Variants in MEGF11 observed in about 807,000 individuals in gnomAD.
MEGF11 encodes the protein multiple EGF like domains 11.
Under a neutral mutation model 146.6 loss-of-function variants are expected in MEGF11, and 126 were observed. The observed-to-expected ratio is 0.86, with a 90% CI of 0.74 to 1.00. The LOEUF is 1.00. Ranked by LOEUF, MEGF11 falls within the 50% of genes least tolerant of loss-of-function variation. The pLI is 0.00. For synonymous variants in MEGF11, 532 were observed against 583.4 expected (o/e 0.91, Z 1.27); for missense variants, 1,509 against 1,521.2 (o/e 0.99, Z 0.13).
chr15:66,242,702 A>T (rs2092234029), intron 1 of MEGF11, among the ~76,000 whole-genome samples: 1 of 152,076 alleles, frequency 6.6e-6, no homozygotes, highest in Non-Finnish European at 1.5e-5. Flanking sequence ...CTCCCCATAC[A>T]AGTGGGACAC....
At chr15:65,899,838 C>T (rs189989421) in intron 24 of MEGF11, among the ~76,000 whole-genome samples, 10 of 152,282 alleles carry the variant, frequency 6.6e-5, no homozygotes, top group Non-Finnish European at 1.5e-4. Context: ...TTCCTGCCAC[C>T]TCTCAGTTGT....
intron 1 of MEGF11, among the ~76,000 whole-genome samples, chr15:66,192,928 G>A (rs1165265604): frequency 6.6e-6 from 1 of 152,202 alleles, no homozygotes; most frequent in South Asian, 2.1e-4. Context: ...CAGTGGCAGT[G>A]GTGTGATGGA....
intron 1 of MEGF11, among the ~76,000 whole-genome samples, chr15:66,181,727 C>G (rs532471470): frequency 2.0e-5 from 3 of 152,298 alleles, no homozygotes; most frequent in African/African-American, 7.2e-5. Flanking sequence ...CAGGCATAGA[C>G]TAATTTTTCT....
intron 4 of MEGF11, among the ~76,000 whole-genome samples, chr15:66,116,776 G>A (rs2087750573): frequency 1.3e-5 from 2 of 152,286 alleles, no homozygotes; most frequent in South Asian, 4.1e-4. Context: ...CCAATGCCAT[G>A]GAGGAGGGAA....
chr15:66,245,261 T>A (rs1478389975), intron 1 of MEGF11, among the ~76,000 whole-genome samples: 1 of 152,144 alleles, frequency 6.6e-6, no homozygotes, highest in Non-Finnish European at 1.5e-5. Context: ...GACTTTCAAC[T>A]GTCTATTTGA....
intron 5 of MEGF11, among the ~76,000 whole-genome samples, chr15:65,984,810 G>T (rs961537357): frequency 6.6e-6 from 1 of 151,882 alleles, no homozygotes. Flanking sequence ...GCTCTATTAG[G>T]CAGGATGGAG....
intron 5 of MEGF11, among the ~76,000 whole-genome samples, chr15:65,996,193 TGAC>T (rs1292369827): frequency 6.6e-6 from 1 of 152,168 alleles, no homozygotes; most frequent in African/African-American, 2.4e-5. Context: ...GGATGCTCCT[TGAC>T]ATGCCTTCCA....
intron 5 of MEGF11, among the ~76,000 whole-genome samples, chr15:66,003,261 T>C (rs2082419557): frequency 6.6e-6 from 1 of 152,142 alleles, no homozygotes; most frequent in African/African-American, 2.4e-5. Context: ...CCCAAAGTGC[T>C]GGGATTACAG....
intron 24 of MEGF11, 104 bp from the exon 25 acceptor site, chr15:65,899,038 G>C (rs1468736757): frequency 4.4e-6 from 5 of 1,124,996 alleles, no homozygotes; most frequent in Non-Finnish European, 5.1e-6. Flanking sequence ...GGATCTTAGA[G>C]CTGGAAAAGC....
intron 23 of MEGF11, 59 bp downstream of exon 23, chr15:65,908,975 A>G: frequency 9.3e-7 from 1 of 1,074,776 alleles, no homozygotes; most frequent in Non-Finnish European, 1.4e-6. Flanking sequence ...GATGGGGATT[A>G]GGGCAGGTGC....
At chr15:66,020,379 G>A (rs990547754) in intron 5 of MEGF11, among the ~76,000 whole-genome samples, 1 of 152,188 alleles carries the variant, frequency 6.6e-6, no homozygotes, top group Admixed American at 6.5e-5. Flanking sequence ...GGAAAACCGA[G>A]GCAAGGTGCA....
chr15:66,095,151 A>C (rs1043479705), intron 4 of MEGF11, among the ~76,000 whole-genome samples: 10 of 152,390 alleles, frequency 6.6e-5, no homozygotes, highest in Admixed American at 6.5e-4. Context: ...TGAATGCTGC[A>C]GCCTCCTGAG....
chr15:66,072,565 A>C (rs558763218), intron 5 of MEGF11, among the ~76,000 whole-genome samples: 1 of 152,332 alleles, frequency 6.6e-6, no homozygotes, highest in Admixed American at 6.5e-5. Context: ...GGTACGCAGT[A>C]GGCCTCTGAT....
At chr15:66,065,398 G>C (rs1567224789) in intron 5 of MEGF11, among the ~76,000 whole-genome samples, 1 of 152,154 alleles carries the variant, frequency 6.6e-6, no homozygotes, top group Non-Finnish European at 1.5e-5. Context: ...CTGTGGCCAA[G>C]TTAGATGGGA....
At chr15:65,978,456 C>T (rs550793568) in intron 7 of MEGF11, among the ~76,000 whole-genome samples, 16 of 152,324 alleles carry the variant, frequency 1.1e-4, no homozygotes, top group East Asian at 3.9e-4. Context: ...AGGCTTCTAT[C>T]GACAGTTTCC....
chr15:66,207,681 C>CT (rs1486797159), intron 1 of MEGF11, among the ~76,000 whole-genome samples: 1 of 152,154 alleles, frequency 6.6e-6, no homozygotes, highest in Non-Finnish European at 1.5e-5. Context: ...TTTGTTGTAA[C>CT]TTTTTTTACC....
chr15:65,897,740 A>C lies in MEGF11; in HGVS notation c.*194T>G. 1 of 483,888 alleles carries C rather than the reference A, an allele frequency of 2.1e-6. No individual in the cohort carries two copies. Among genetic ancestry groups the C allele is most frequent in the Non-Finnish European group, 3.5e-6 (1 of 282,486 alleles). 30.0% of individuals were successfully genotyped at this position (483,888 alleles called of 1,614,324 possible). The stretch of plus-strand genomic sequence containing the variant: ...CATTTGGGGCTGAGTGGGTGATAGG[A>C]TTTGCCTTTGAGAACACAATTCCTT... On this transcript the variant is annotated 3_prime_UTR_variant, in exon 26 of 26. Transcript: ENST00000395614.
chr15:66,067,492 T>C (rs1435078979), intron 5 of MEGF11, among the ~76,000 whole-genome samples: 1 of 152,198 alleles, frequency 6.6e-6, no homozygotes, highest in Admixed American at 6.5e-5. Context: ...TTTTGGATCA[T>C]AAAATGGACC....
At chr15:65,998,482 C>T (rs554127342) in intron 5 of MEGF11, among the ~76,000 whole-genome samples, 36 of 152,338 alleles carry the variant, frequency 2.4e-4, no homozygotes, top group African/African-American at 8.7e-4. Context: ...ACCGAGACTT[C>T]TTAAATTACA....
Sources: allele counts gnomAD v4.1 joint callset (sites outside exome capture counted in the v4.1 genomes callset), GRCh38; gene constraint gnomAD v4.1.1; transcripts MANE v1.5; gene names NCBI Gene and HGNC (gene_info 2026-07-23, HGNC 2026-07-21).